Variants in KLHL20 observed in about 807,000 individuals in gnomAD.
The protein encoded by KLHL20 is kelch-like protein 20.
A neutral mutation model predicts 69.5 loss-of-function variants in KLHL20; 29 were observed. The observed-to-expected ratio is 0.42, with a 90% CI of 0.31 to 0.57. KLHL20 has a LOEUF of 0.57. KLHL20 is among the 20% of genes least tolerant of loss of function. The pLI is 0.18. For missense variants in KLHL20, 419 were observed against 776.0 expected (o/e 0.54, Z 5.47); for synonymous variants, 253 against 265.2 (o/e 0.95, Z 0.45).
rs191808629 is a variant in KLHL20 at position 173,759,701 on chromosome 1, G to A, written c.1151+2542G>A. On this transcript the variant is annotated intron_variant, in intron 7 of 11. Coordinates refer to ENST00000209884, the MANE Select transcript of KLHL20 (RefSeq NM_014458.4). ...GAATACTACATCAAGGGAACACTTC[G>A]TGGAACAAAAGAATCTGAACGATAG... is the stretch of plus-strand genomic sequence containing the variant. Among the ~76,000 whole-genome samples, 22 of 152,206 alleles carry A rather than the reference G, an allele frequency of 1.4e-4. No individual in the cohort carries two copies. In the East Asian group the frequency reaches 2.3e-3, roughly 16 times the overall value.
rs149431106 is a variant in KLHL20 at position 173,764,642 on chromosome 1, G to A, written c.1152-1504G>A. ...ACTCAGGAATGGAAAACCAAACATCGTATGTTCTCACTGATAATGTGGGAG... is the reference window on the plus strand; with the variant it reads ...ACTCAGGAATGGAAAACCAAACATCATATGTTCTCACTGATAATGTGGGAG... On this transcript the variant is annotated intron_variant, in intron 7 of 11. Transcript: ENST00000209884. Among the ~76,000 whole-genome samples, 359 of 152,178 alleles carry A rather than the reference G, an allele frequency of 2.4e-3. 4 individuals are homozygous for A. Among genetic ancestry groups the A allele is most frequent in the African/African-American group, 8.4e-3 (349 of 41,522 alleles).
chr1:173,724,817 C>T (rs779126434), intron 2 of KLHL20, among the ~76,000 whole-genome samples: 1 of 152,012 alleles, frequency 6.6e-6, no homozygotes, highest in South Asian at 2.1e-4. Flanking sequence ...AGAAAAGATA[C>T]AAATTTGTAT....
chr1:173,762,731 T>A (rs1234496034), intron 7 of KLHL20, among the ~76,000 whole-genome samples: 32 of 150,746 alleles, frequency 2.1e-4, no homozygotes, highest in Non-Finnish European at 3.0e-5. Flanking sequence ...AGGGACATAC[T>A]TTAATAAAAG....
intron 7 of KLHL20, among the ~76,000 whole-genome samples, chr1:173,763,683 C>T (rs540075610): frequency 4.6e-5 from 7 of 152,092 alleles, no homozygotes; most frequent in South Asian, 4.2e-4. Context: ...TAGCTAGCCA[C>T]ATGTAAGAAA....
intron 3 of KLHL20, among the ~76,000 whole-genome samples, chr1:173,742,114 C>G (rs1672833433): frequency 6.6e-6 from 1 of 152,114 alleles, no homozygotes; most frequent in African/African-American, 2.4e-5. Context: ...TCAGATTCCC[C>G]TTAAACATAT....
In KLHL20 at chr1:173,786,227, G is replaced by A. The variant is rs567446847; in HGVS notation, c.*980G>A. On this transcript the variant is annotated 3_prime_UTR_variant, in exon 12 of 12. Transcript: ENST00000209884. ...AGCCTCCAAGGGAATGAATTATTCA[G>A]TTAATGTAATAGCACACATTAAAGA... is the stretch of plus-strand genomic sequence containing the variant. 1.3e-5 allele frequency: 2 copies of A among 152,720 alleles called. No homozygotes were observed. The highest frequency in any genetic ancestry group is 1.9e-4 in the East Asian group (1 of 5,184). 9.5% of individuals were successfully genotyped at this position (152,720 alleles called of 1,614,324 possible).
rs545946318 is a variant in KLHL20 at position 173,731,415 on chromosome 1, C to T, written c.24-2298C>T. On this transcript the variant is annotated intron_variant, in intron 2 of 11. Coordinates refer to ENST00000209884, the MANE Select transcript of KLHL20 (RefSeq NM_014458.4). Reference sequence around the variant, plus strand: ...TCATGCTGCTATAAAGACACATGCACACGTATGTTCATTGTGGCACTATTC... The same window carrying T: ...TCATGCTGCTATAAAGACACATGCATACGTATGTTCATTGTGGCACTATTC... 1.4e-4 allele frequency among the ~76,000 whole-genome samples: 21 copies of T among 152,236 alleles called. No homozygotes were observed. The South Asian group carries it at 4.1e-3, about 30-fold the overall frequency.
intron 10 of KLHL20, among the ~76,000 whole-genome samples, chr1:173,779,380 T>TCACTCTG (rs1205292464): frequency 4.7e-5 from 7 of 148,754 alleles, no homozygotes; most frequent in Non-Finnish European, 7.4e-5. Context: ...AGAAGGAGTC[T>TCACTCTG]CACTCTGTCA....
At chr1:173,785,126 C>A in intron 11 of KLHL20, 37 bp from the exon 12 acceptor site, 1 of 1,530,656 alleles carries the variant, frequency 6.5e-7, no homozygotes, top group Non-Finnish European at 9.0e-7. Flanking sequence ...AACATATTTT[C>A]CAGTTAGAAA....
intron 11 of KLHL20, among the ~76,000 whole-genome samples, chr1:173,783,767 C>G (rs1250291052): frequency 6.6e-6 from 1 of 151,846 alleles, no homozygotes; most frequent in African/African-American, 2.4e-5. Flanking sequence ...ACTTGGGAGG[C>G]TGAGGCAGGA....
chr1:173,755,833 T>C, intron 5 of KLHL20, 90 bp from the exon 6 acceptor site: 2 of 787,506 alleles, frequency 2.5e-6, no homozygotes, highest in Non-Finnish European at 4.1e-6. Flanking sequence ...CTTGCTTCCC[T>C]TTGCCAACCT....
chr1:173,753,622 T>C (rs1469763264), intron 5 of KLHL20, among the ~76,000 whole-genome samples: 1 of 152,204 alleles, frequency 6.6e-6, no homozygotes, highest in East Asian at 1.9e-4. Flanking sequence ...ATTTTTTTTT[T>C]CCTTGAGATA....
At chr1:173,724,680 C>T (rs1307502137) in intron 2 of KLHL20, among the ~76,000 whole-genome samples, 1 of 152,094 alleles carries the variant, frequency 6.6e-6, no homozygotes, top group African/African-American at 2.4e-5. Context: ...TGACTCACAC[C>T]TGTAGTCCCA....
chr1:173,748,341 A>G (rs1248094383), intron 3 of KLHL20, among the ~76,000 whole-genome samples: 3 of 152,102 alleles, frequency 2.0e-5, no homozygotes, highest in African/African-American at 7.2e-5. Context: ...CTAAAAGAAA[A>G]CTACAGATCA....
At chr1:173,737,852 G>A (rs1672606529) in intron 3 of KLHL20, among the ~76,000 whole-genome samples, 1 of 151,758 alleles carries the variant, frequency 6.6e-6, no homozygotes, top group Non-Finnish European at 1.5e-5. Context: ...AGCATGAGAT[G>A]TGTTTCCATT....
chr1:173,786,441 A>G lies in KLHL20; in HGVS notation c.*1194A>G, dbSNP rs958178156. On this transcript the variant is annotated 3_prime_UTR_variant, in exon 12 of 12. Coordinates refer to ENST00000209884, the MANE Select transcript of KLHL20 (RefSeq NM_014458.4). The stretch of plus-strand genomic sequence containing the variant: ...TTTTTTTTCCTCATTGTATTCATAG[A>G]CAAATTTTTTTCAATATATTTTGCA... 2.0e-5 allele frequency: 3 copies of G among 152,568 alleles called. No individual in the cohort carries two copies. The highest frequency in any genetic ancestry group is 4.4e-5 in the Non-Finnish European group (3 of 68,016). The allele number at this position is 152,568 out of a possible 1,614,324, so 9.5% of individuals were successfully genotyped here. A position where few individuals can be genotyped will look rare whatever the true frequency, so the allele number is the denominator to read the frequency against.
chr1:173,782,290 A>T, intron 11 of KLHL20, 60 bp downstream of exon 11: 1 of 1,246,586 alleles, frequency 8.0e-7, no homozygotes, highest in Non-Finnish European at 1.2e-6. Context: ...ATGGGCTTGA[A>T]ATAGCCTATG....
At chr1:173,741,106 T>C (rs943898657) in intron 3 of KLHL20, among the ~76,000 whole-genome samples, 2 of 152,230 alleles carry the variant, frequency 1.3e-5, no homozygotes, top group Non-Finnish European at 2.9e-5. Context: ...AGGATGTGTG[T>C]TCAGAGGTGG....
At chr1:173,715,846 A>G (rs1671444249) in intron 1 of KLHL20, among the ~76,000 whole-genome samples, 157 bp from the exon 2 acceptor site, 1 of 152,250 alleles carries the variant, frequency 6.6e-6, no homozygotes, top group African/African-American at 2.4e-5. Context: ...TCTTAAATGT[A>G]CTAGATTAAG....
Sources: allele counts gnomAD v4.1 joint callset (sites outside exome capture counted in the v4.1 genomes callset), GRCh38; gene constraint gnomAD v4.1.1; transcripts MANE v1.5; gene names NCBI Gene and HGNC (gene_info 2026-07-23, HGNC 2026-07-21).